The following MARCHF1 variants were observed in gnomAD, a reference collection of about 807,000 sequenced individuals.
MARCHF1 encodes membrane associated ring-CH-type finger 1, also known as E3 ubiquitin-protein ligase MARCHF1.
In MARCHF1, 40 loss-of-function variants were observed where a neutral mutation model predicts 54.2. The ratio of observed to expected loss-of-function variants is 0.74; its 90% CI spans 0.57 to 0.96. The LOEUF (loss-of-function observed/expected upper bound fraction) is 0.96, where lower values mean the gene tolerates loss of function less well. Ranked by LOEUF, MARCHF1 falls within the 40% of genes least tolerant of loss-of-function variation. The probability of loss-of-function intolerance (pLI) is 0.00; values close to 1 mark genes in which losing one functional copy is unlikely to be tolerated. For synonymous variants in MARCHF1, 236 were observed against 236.3 expected (o/e 1.00, Z 0.01); for missense variants, 586 against 656.5 (o/e 0.89, Z 1.17).
In MARCHF1 at chr4:164,203,260, G is replaced by A. The variant is rs561725383; in HGVS notation, c.-322-91598C>T. ...TGAAGCAATTTTATTGGACATTCAG[G>A]TAAGAGAAAGAAGGAAAGAGAGGGA... On this transcript the variant is annotated intron_variant, in intron 1 of 9. Coordinates refer to ENST00000514618, the MANE Select transcript of MARCHF1 (RefSeq NM_001394959.1). Among the ~76,000 whole-genome samples, 70 of 151,948 alleles carry A rather than the reference G, an allele frequency of 4.6e-4. 1 individual carries two copies. The highest frequency in any genetic ancestry group is 1.6e-3 in the African/African-American group (65 of 41,440).
In MARCHF1 at chr4:164,245,565, C is replaced by T. The variant is rs993663052; in HGVS notation, c.-322-133903G>A. Reference sequence around the variant, plus strand: ...AAGACAGGGATGCCCTCTCTTAGCACTCTTATTCAACATAGTGTTGGAAGT... The same window carrying T: ...AAGACAGGGATGCCCTCTCTTAGCATTCTTATTCAACATAGTGTTGGAAGT... On this transcript the variant is annotated intron_variant, in intron 1 of 9. Coordinates refer to ENST00000514618, the MANE Select transcript of MARCHF1 (RefSeq NM_001394959.1). Among the ~76,000 whole-genome samples the T allele has an allele frequency of 3.1e-3, 468 of 151,886 alleles. 1 individual carries two copies. The highest frequency in any genetic ancestry group is 0.011 in the African/African-American group (446 of 41,416).
At chr4:163,999,433 T>C (rs893476637) in intron 2 of MARCHF1, among the ~76,000 whole-genome samples, 11 of 151,564 alleles carry the variant, frequency 7.3e-5, no homozygotes, top group African/African-American at 2.4e-4. Context: ...ATTGAGTATA[T>C]TTCTTGACAC....
chr4:163,820,340 G>C (rs950761628), intron 4 of MARCHF1, among the ~76,000 whole-genome samples: 2 of 151,896 alleles, frequency 1.3e-5, no homozygotes, highest in African/African-American at 4.8e-5. Context: ...TCATTCTCCA[G>C]CTGATTGTTC....
chr4:164,124,092 G>T (rs547925321), intron 1 of MARCHF1, among the ~76,000 whole-genome samples: 1 of 148,500 alleles, frequency 6.7e-6, no homozygotes, highest in South Asian at 2.1e-4. Flanking sequence ...ATGGGCAAAA[G>T]ATTTGAATAG....
At chr4:163,684,436 G>A (rs1230464464) in intron 5 of MARCHF1, among the ~76,000 whole-genome samples, 1 of 152,116 alleles carries the variant, frequency 6.6e-6, no homozygotes, top group Non-Finnish European at 1.5e-5. Context: ...TCAAAAGAAA[G>A]CCAGCATTTG....
chr4:164,062,607 C>T (rs921058473), intron 2 of MARCHF1, among the ~76,000 whole-genome samples: 4 of 152,144 alleles, frequency 2.6e-5, no homozygotes, highest in Non-Finnish European at 4.4e-5. Flanking sequence ...TCACTGCAAC[C>T]TCCACCTCCT....
intron 1 of MARCHF1, among the ~76,000 whole-genome samples, chr4:164,346,628 A>G (rs1005863435): frequency 0.021 from 234 of 11,308 alleles, 7 homozygotes; most frequent in Middle Eastern, 0.033. Context: ...ATATATATAT[A>G]TATATATATA....
At chr4:164,375,123 T>A (rs1731150158) in intron 1 of MARCHF1, among the ~76,000 whole-genome samples, 1 of 152,174 alleles carries the variant, frequency 6.6e-6, no homozygotes. Context: ...TAGAGGCAAT[T>A]TAACTTCATT....
rs563217142 is a variant in MARCHF1, at chr4:163,857,778, T to C, written c.-38-3609A>G. On this transcript the variant is annotated intron_variant, in intron 3 of 9. Transcript: ENST00000514618. ...TACTTTTAATTCAGAAAACATCTAC[T>C]GAACATTTTCTTTGTTCCAGACACC... Among the ~76,000 whole-genome samples, 94 of 152,168 alleles carry C rather than the reference T, an allele frequency of 6.2e-4. 1 individual carries two copies. Among genetic ancestry groups the C allele is most frequent in the Non-Finnish European group, 1.2e-3 (80 of 68,022 alleles).
intron 3 of MARCHF1, among the ~76,000 whole-genome samples, chr4:163,928,410 G>A (rs1751584775): frequency 6.6e-6 from 1 of 151,940 alleles, no homozygotes; most frequent in Non-Finnish European, 1.5e-5. Flanking sequence ...GGGAAGAAGA[G>A]CTAGGCGTGG....
intron 5 of MARCHF1, among the ~76,000 whole-genome samples, chr4:163,693,119 G>A (rs920020749): frequency 6.6e-6 from 1 of 151,220 alleles, no homozygotes; most frequent in Non-Finnish European, 1.5e-5. Context: ...GATATCATCA[G>A]GTATAATGAG....
intron 1 of MARCHF1, among the ~76,000 whole-genome samples, chr4:164,323,225 C>T (rs1032663301): frequency 6.6e-6 from 1 of 151,592 alleles, no homozygotes; most frequent in African/African-American, 2.4e-5. Context: ...ATAATGGTAG[C>T]CTATTTCAAA....
chr4:163,599,571 T>G (rs910472921), intron 7 of MARCHF1, among the ~76,000 whole-genome samples: 2 of 152,186 alleles, frequency 1.3e-5, no homozygotes, highest in African/African-American at 4.8e-5. Context: ...TCCTTTTCCC[T>G]AAAGCCCTAT....
chr4:164,154,588 G>A (rs1017542324), intron 1 of MARCHF1, among the ~76,000 whole-genome samples: 1 of 152,156 alleles, frequency 6.6e-6, no homozygotes, highest in African/African-American at 2.4e-5. Context: ...ACCCCTTACG[G>A]GACGGGAAGC....
intron 5 of MARCHF1, among the ~76,000 whole-genome samples, chr4:163,630,449 G>A (rs545364134): frequency 6.6e-6 from 1 of 152,118 alleles, no homozygotes; most frequent in African/African-American, 2.4e-5. Flanking sequence ...GATTTCACAG[G>A]GTTCCAGAGA....
At chr4:163,617,419 T>C (rs61212441) in intron 5 of MARCHF1, among the ~76,000 whole-genome samples, 2,459 of 152,204 alleles carry the variant, frequency 0.016, 69 homozygotes, top group African/African-American at 0.055. Flanking sequence ...ATGTTTGAGG[T>C]GATGGGTTGG....
At chr4:164,054,324 G>A (rs1364324976) in intron 2 of MARCHF1, among the ~76,000 whole-genome samples, 1 of 152,008 alleles carries the variant, frequency 6.6e-6, no homozygotes, top group African/African-American at 2.4e-5. Context: ...GACACTGTTG[G>A]TGGGACTGTA....
At chr4:164,001,963 A>G (rs1056330228) in intron 2 of MARCHF1, among the ~76,000 whole-genome samples, 7 of 151,892 alleles carry the variant, frequency 4.6e-5, no homozygotes, top group African/African-American at 1.7e-4. Flanking sequence ...ATGAGAGAGC[A>G]GATAACTTAT....
intron 5 of MARCHF1, among the ~76,000 whole-genome samples, chr4:163,641,411 T>C (rs1211070565): frequency 1.3e-5 from 2 of 152,090 alleles, no homozygotes; most frequent in African/African-American, 4.8e-5. Flanking sequence ...GGAAAAAAAG[T>C]TTCTAAAGGA....
Sources: gnomAD v4.1 joint callset for allele counts (sites outside exome capture counted in the v4.1 genomes callset) on GRCh38, gnomAD v4.1.1 for gene constraint, MANE v1.5 for transcripts, NCBI Gene and HGNC (gene_info 2026-07-23, HGNC 2026-07-21) for gene names.